GALNT13: variants seen among roughly 807,000 people sequenced by gnomAD.
GALNT13 encodes UDP-GalNAc:polypeptide N-acetylgalactosaminyltransferase 13.
GALNT13 carries 28 observed loss-of-function variants against 64.2 expected under a neutral mutation model. The ratio of observed to expected loss-of-function variants is 0.44; its 90% CI spans 0.32 to 0.60. The LOEUF (loss-of-function observed/expected upper bound fraction) is 0.60. Among genes scored for constraint, GALNT13 ranks in the 20% least tolerant of loss-of-function variants. The pLI is 0.05. For synonymous variants in GALNT13, 214 were observed against 224.6 expected (o/e 0.95, Z 0.42); for missense variants, 577 against 669.8 (o/e 0.86, Z 1.53).
At chr2:154,448,899 G>A (rs1701730922) in intron 12 of GALNT13, among the ~76,000 whole-genome samples, 1 of 151,924 alleles carries the variant, frequency 6.6e-6, no homozygotes, top group Non-Finnish European at 1.5e-5. Flanking sequence ...ATAGAAGTAT[G>A]CAATGGTAAG....
At chr2:153,677,270 AT>A in the GALNT13 span, among the ~76,000 whole-genome samples, 1 of 146,638 alleles carries the variant, frequency 6.8e-6, no homozygotes, top group African/African-American at 2.6e-5. Context: ...ACACAATCCT[AT>A]TCACAATAGA....
At chr2:153,411,844 G>A in the GALNT13 span, among the ~76,000 whole-genome samples, 393 of 152,274 alleles carry the variant, frequency 2.6e-3, 5 homozygotes, top group Non-Finnish European at 1.7e-3. Flanking sequence ...TTAATACTGA[G>A]TGTCAACTTG....
At chr2:153,689,070 ATGTGTG>A in the GALNT13 span, among the ~76,000 whole-genome samples, 48 of 127,806 alleles carry the variant, frequency 3.8e-4, no homozygotes, top group Middle Eastern at 4.2e-3. Flanking sequence ...CCGCGTGTGT[ATGTGTG>A]TGTGTGTGTG....
intron 2 of GALNT13, among the ~76,000 whole-genome samples, chr2:153,914,845 T>C (rs568856563): frequency 6.6e-6 from 1 of 152,258 alleles, no homozygotes; most frequent in African/African-American, 2.4e-5. Flanking sequence ...AAACCTCTTA[T>C]TACATTCTGG....
At chr2:153,851,056 T>C in the GALNT13 span, among the ~76,000 whole-genome samples, 1 of 152,126 alleles carries the variant, frequency 6.6e-6, no homozygotes, top group African/African-American at 2.4e-5. Flanking sequence ...TATCAGCCCG[T>C]AGTTTAAGAA....
At chr2:154,148,048 C>G (rs1683729482) in intron 4 of GALNT13, among the ~76,000 whole-genome samples, 1 of 152,062 alleles carries the variant, frequency 6.6e-6, no homozygotes, top group African/African-American at 2.4e-5. Flanking sequence ...AGGTATATCT[C>G]CTAATGCTAT....
At chr2:153,250,953 T>C in the GALNT13 span, among the ~76,000 whole-genome samples, 1 of 152,086 alleles carries the variant, frequency 6.6e-6, no homozygotes, top group Non-Finnish European at 1.5e-5. Flanking sequence ...AGATGACAGA[T>C]TGATGGGTGT....
the GALNT13 span, chr2:153,478,622 G>T: frequency 7.2e-7 from 1 of 1,382,284 alleles, no homozygotes; most frequent in Non-Finnish European, 9.7e-7. Flanking sequence ...GAAGGCGGCG[G>T]CGCTGGAGGA....
At position 154,268,022 on chromosome 2, in the gene GALNT13, G is replaced by A. The variant is rs1177221028; in HGVS notation, c.975+8884G>A. Among the ~76,000 whole-genome samples, 4 of 152,182 alleles carry A rather than the reference G, an allele frequency of 2.6e-5. No individual in the cohort carries two copies. The East Asian group carries it at 7.7e-4, about 29-fold the overall frequency. ...GAAGAACTGCACCTGCAATGCTGGT[G>A]GCGATGTACAATGGTACACTAAACT... On this transcript the variant is annotated intron_variant, in intron 8 of 12. Transcript: ENST00000392825.
chr2:153,613,699 C>T, the GALNT13 span, among the ~76,000 whole-genome samples: 1 of 151,892 alleles, frequency 6.6e-6, no homozygotes, highest in African/African-American at 2.4e-5. Flanking sequence ...TGTTTAATTC[C>T]CACCTATGAG....
intron 11 of GALNT13, among the ~76,000 whole-genome samples, chr2:154,424,383 T>G (rs1700382224): frequency 6.6e-6 from 1 of 152,190 alleles, no homozygotes; most frequent in South Asian, 2.1e-4. Context: ...AAAAAAAGAA[T>G]AATACTGTAT....
chr2:153,116,150 G>A, the GALNT13 span, among the ~76,000 whole-genome samples: 1 of 152,088 alleles, frequency 6.6e-6, no homozygotes, highest in Non-Finnish European at 1.5e-5. Context: ...GGGTTTTCTT[G>A]ATATCCTTAA....
the GALNT13 span, among the ~76,000 whole-genome samples, chr2:153,401,328 G>C: frequency 6.6e-6 from 1 of 151,870 alleles, no homozygotes; most frequent in Non-Finnish European, 1.5e-5. Context: ...CATTTGCTGA[G>C]GAGAGCTTTA....
At chr2:153,986,309 A>G (rs1464556966) in intron 3 of GALNT13, among the ~76,000 whole-genome samples, 1 of 152,000 alleles carries the variant, frequency 6.6e-6, no homozygotes, top group Non-Finnish European at 1.5e-5. Context: ...ATACTCAAAA[A>G]TATATATCCC....
At chr2:154,296,069 T>G (rs369172250) in intron 8 of GALNT13, among the ~76,000 whole-genome samples, 6 of 152,328 alleles carry the variant, frequency 3.9e-5, no homozygotes, top group African/African-American at 1.4e-4. Flanking sequence ...TCTCAAAGTG[T>G]GCCTCCTTGC....
the GALNT13 span, among the ~76,000 whole-genome samples, chr2:153,676,893 C>A: frequency 4.8e-3 from 735 of 152,010 alleles, 2 homozygotes; most frequent in Non-Finnish European, 7.3e-3. Flanking sequence ...ATAATGAAAA[C>A]CATCTACGAA....
the GALNT13 span, among the ~76,000 whole-genome samples, chr2:153,800,417 G>T: frequency 6.6e-6 from 1 of 152,122 alleles, no homozygotes; most frequent in Admixed American, 6.6e-5. Context: ...TGGCTATGAA[G>T]CTTGGAGTGG....
At chr2:153,092,549 A>G in the GALNT13 span, among the ~76,000 whole-genome samples, 1 of 151,820 alleles carries the variant, frequency 6.6e-6, no homozygotes, top group Admixed American at 6.6e-5. Context: ...TTATAGAGAT[A>G]TTTTATTTCT....
intron 3 of GALNT13, among the ~76,000 whole-genome samples, chr2:153,957,368 G>T (rs72865079): frequency 2.0e-5 from 3 of 152,238 alleles, no homozygotes; most frequent in African/African-American, 7.2e-5. Flanking sequence ...ACCAAAGAGC[G>T]CAACCAGCAG....
Sources: allele counts gnomAD v4.1 joint callset (sites outside exome capture counted in the v4.1 genomes callset), GRCh38; gene constraint gnomAD v4.1.1; transcripts MANE v1.5; gene names NCBI Gene and HGNC (gene_info 2026-07-23, HGNC 2026-07-21).